ULK4: variants seen among roughly 807,000 people sequenced by gnomAD.
ULK4 encodes the protein unc-51 like kinase 4, also known as inactive serine/threonine-protein kinase ULK4.
In ULK4, 133 loss-of-function variants were observed where a neutral mutation model predicts 160.6. The ratio of observed to expected loss-of-function variants is 0.83; its 90% confidence interval spans 0.72 to 0.96. ULK4 has a LOEUF of 0.96. Among genes scored for constraint, ULK4 ranks in the 40% least tolerant of loss-of-function variants. The probability of loss-of-function intolerance (pLI) is 0.00; values close to 1 mark genes in which losing one functional copy is unlikely to be tolerated. For missense variants in ULK4, 1,580 were observed against 1,499.5 expected, an observed-to-expected ratio of 1.05 and a Z score of -0.89; for synonymous variants, 534 against 539.8, an observed-to-expected ratio of 0.99 and a Z score of 0.15.
intron 21 of ULK4, among the ~76,000 whole-genome samples, chr3:41,755,528 A>C (rs1312184983): frequency 6.6e-6 from 1 of 152,152 alleles, no homozygotes; most frequent in African/African-American, 2.4e-5. Context: ...CCTTTCCAGC[A>C]ACTAGACAGT....
At chr3:41,941,841 G>A (rs547402405) in intron 2 of ULK4, among the ~76,000 whole-genome samples, 2 of 151,040 alleles carry the variant, frequency 1.3e-5, no homozygotes, top group Admixed American at 6.6e-5. Flanking sequence ...TGGTGACCAT[G>A]TTTAAGGACT....
At chr3:41,803,033 C>T (rs1390831633) in intron 19 of ULK4, among the ~76,000 whole-genome samples, 1 of 152,016 alleles carries the variant, frequency 6.6e-6, no homozygotes, top group Non-Finnish European at 1.5e-5. Flanking sequence ...GGCATGGTGG[C>T]ACGTGCTTAT....
At chr3:41,698,202 C>T (rs1336518685) in intron 27 of ULK4, among the ~76,000 whole-genome samples, 1 of 152,186 alleles carries the variant, frequency 6.6e-6, no homozygotes, top group East Asian at 1.9e-4. Context: ...CAGAATGTAT[C>T]TCCATCTTTA....
intron 34 of ULK4, among the ~76,000 whole-genome samples, chr3:41,411,692 C>T (rs1283688103): frequency 2.6e-5 from 4 of 152,140 alleles, no homozygotes. Flanking sequence ...CTTGGCCTCC[C>T]CAAGTGCTGT....
At chr3:41,673,699 T>TAC (rs781564024) in intron 29 of ULK4, among the ~76,000 whole-genome samples, 12 of 123,960 alleles carry the variant, frequency 9.7e-5, no homozygotes, top group East Asian at 7.6e-4. Context: ...CATACATACA[T>TAC]ATATATATAA....
intron 17 of ULK4, among the ~76,000 whole-genome samples, chr3:41,874,734 G>T (rs539694742): frequency 6.6e-6 from 1 of 152,140 alleles, no homozygotes. Flanking sequence ...GGATTAAAAA[G>T]ACTACATATT....
At chr3:41,351,628 C>T (rs956580431) in intron 35 of ULK4, among the ~76,000 whole-genome samples, 2 of 152,176 alleles carry the variant, frequency 1.3e-5, no homozygotes, top group Non-Finnish European at 2.9e-5. Context: ...GCTGTAAGAG[C>T]CTCACTGGCT....
At chr3:41,253,535 C>A in intron 35 of ULK4, among the ~76,000 whole-genome samples, 1 of 151,382 alleles carries the variant, frequency 6.6e-6, no homozygotes, top group African/African-American at 2.4e-5. Flanking sequence ...AAAAAACCCA[C>A]AACAGATAAA....
intron 32 of ULK4, among the ~76,000 whole-genome samples, chr3:41,513,587 C>G (rs543404764): frequency 4.6e-5 from 7 of 152,316 alleles, no homozygotes; most frequent in African/African-American, 1.4e-4. Flanking sequence ...GAGCCAAGAT[C>G]CTGCCACTGC....
chr3:41,391,087 A>T (rs9835690), intron 35 of ULK4, among the ~76,000 whole-genome samples: 78,103 of 151,844 alleles, frequency 0.51, 20,339 homozygotes, highest in African/African-American at 0.61. Context: ...TTCATTTAAC[A>T]TATTTATCGT....
At chr3:41,876,501 C>T (rs73081372) in intron 17 of ULK4, among the ~76,000 whole-genome samples, 18,842 of 152,204 alleles carry the variant, frequency 0.12, 1,353 homozygotes, top group Middle Eastern at 0.27. Context: ...TACTGGAAAA[C>T]AGTTTAGATT....
At chr3:41,774,490 C>T (rs1315108394) in intron 21 of ULK4, among the ~76,000 whole-genome samples, 1 of 149,714 alleles carries the variant, frequency 6.7e-6, no homozygotes, top group South Asian at 2.1e-4. Context: ...CATCACTGGC[C>T]ATCAGAGAAA....
intron 17 of ULK4, among the ~76,000 whole-genome samples, chr3:41,856,700 G>C (rs2042373262): frequency 6.7e-6 from 1 of 148,874 alleles, no homozygotes; most frequent in Non-Finnish European, 1.5e-5. Context: ...GCATCTAAGA[G>C]TTCAAGACCA....
At chr3:41,784,423 A>G (rs1030344312) in intron 21 of ULK4, among the ~76,000 whole-genome samples, 3 of 152,134 alleles carry the variant, frequency 2.0e-5, no homozygotes, top group Admixed American at 2.0e-4. Flanking sequence ...ATCAAGCAAA[A>G]CTCCGTCTCA....
intron 22 of ULK4, among the ~76,000 whole-genome samples, chr3:41,748,134 T>C (rs1467818246): frequency 6.9e-6 from 1 of 144,664 alleles, no homozygotes; most frequent in African/African-American, 2.7e-5. Context: ...TACCTTACCA[T>C]ATATAGAGAC....
chr3:41,386,535 T>C (rs948763947), intron 35 of ULK4, among the ~76,000 whole-genome samples: 1 of 152,146 alleles, frequency 6.6e-6, no homozygotes, highest in Non-Finnish European at 1.5e-5. Context: ...GAGGGAGAAT[T>C]GGAGCCACAG....
At chr3:41,412,408 T>TA (rs562644278) in intron 34 of ULK4, among the ~76,000 whole-genome samples, 75 of 151,840 alleles carry the variant, frequency 4.9e-4, no homozygotes, top group Non-Finnish European at 9.6e-4. Context: ...GTTTTTTTTT[T>TA]TTTTTGGTAG....
intron 21 of ULK4, among the ~76,000 whole-genome samples, chr3:41,787,454 G>A (rs1027516662): frequency 7.9e-5 from 12 of 152,140 alleles, no homozygotes; most frequent in Non-Finnish European, 1.6e-4. Context: ...TCCTGAGGTG[G>A]CAAAAGCAGT....
intron 17 of ULK4, among the ~76,000 whole-genome samples, chr3:41,851,747 G>C (rs1224678078): frequency 6.6e-6 from 1 of 152,036 alleles, no homozygotes; most frequent in African/African-American, 2.4e-5. Context: ...ATTCAAAGCA[G>C]TGTGTAGAGG....
Sources: gnomAD v4.1 joint callset for allele counts (sites outside exome capture counted in the v4.1 genomes callset) on GRCh38, gnomAD v4.1.1 for gene constraint, MANE v1.5 for transcripts, NCBI Gene and HGNC (gene_info 2026-07-23, HGNC 2026-07-21) for gene names.